CDH13: variants seen among roughly 807,000 people sequenced by gnomAD.
CDH13 encodes cadherin-13.
A neutral mutation model predicts 63.8 loss-of-function variants in CDH13; 24 were observed. The ratio of observed to expected loss-of-function variants is 0.38; its 90% CI spans 0.27 to 0.53. The LOEUF is 0.53. Ranked by LOEUF, CDH13 falls within the 20% of genes least tolerant of loss-of-function variation. The pLI is 0.85. For missense variants in CDH13, 1,049 were observed against 903.1 expected (o/e 1.16, Z -2.07); for synonymous variants, 503 against 355.3 (o/e 1.42, Z -4.67).
intron 1 of CDH13, among the ~76,000 whole-genome samples, chr16:82,712,018 T>C (rs1220704270): frequency 2.0e-5 from 3 of 152,174 alleles, no homozygotes; most frequent in Non-Finnish European, 4.4e-5. Flanking sequence ...ACCATTCTGC[T>C]CTCTCGCCTT....
intron 5 of CDH13, among the ~76,000 whole-genome samples, chr16:83,267,521 A>C (rs928492658): frequency 7.9e-5 from 12 of 152,308 alleles, no homozygotes; most frequent in Admixed American, 6.5e-4. Context: ...ATTAAGAGGT[A>C]AGACCTCTAA....
chr16:82,707,540 A>C (rs910456045), intron 1 of CDH13, among the ~76,000 whole-genome samples: 1 of 152,226 alleles, frequency 6.6e-6, no homozygotes, highest in Admixed American at 6.5e-5. Context: ...AAATGGAAAG[A>C]AGTCTTCCTA....
chr16:82,665,543 T>C (rs1369279529), intron 1 of CDH13, among the ~76,000 whole-genome samples: 2 of 152,166 alleles, frequency 1.3e-5, no homozygotes, highest in African/African-American at 2.4e-5. Context: ...AGAGAATCAA[T>C]TGTATGCAGA....
intron 1 of CDH13, among the ~76,000 whole-genome samples, chr16:82,819,955 G>T (rs1431595121): frequency 6.6e-6 from 1 of 152,106 alleles, no homozygotes; most frequent in African/African-American, 2.4e-5. Context: ...TGGAGCAACT[G>T]GCTACTGTTA....
intron 4 of CDH13, among the ~76,000 whole-genome samples, chr16:83,182,869 C>T (rs8059438): frequency 0.17 from 25,297 of 152,102 alleles, 2,869 homozygotes; most frequent in African/African-American, 0.33. Context: ...TTATCACATA[C>T]TTAAAGGCAT....
At chr16:83,417,776 GA>G (rs779838548) in intron 6 of CDH13, among the ~76,000 whole-genome samples, 6 of 152,152 alleles carry the variant, frequency 3.9e-5, no homozygotes, top group Non-Finnish European at 8.8e-5. Flanking sequence ...TAAGCAATCA[GA>G]ATTCTCTTTT....
At chr16:83,425,191 A>G (rs192153240) in intron 6 of CDH13, among the ~76,000 whole-genome samples, 6 of 152,314 alleles carry the variant, frequency 3.9e-5, no homozygotes, top group Admixed American at 2.6e-4. Flanking sequence ...AACAGCTGGA[A>G]CGTAAATTGG....
chr16:83,266,623 G>A (rs1042240893), intron 5 of CDH13, among the ~76,000 whole-genome samples: 3 of 152,140 alleles, frequency 2.0e-5, no homozygotes, highest in Non-Finnish European at 4.4e-5. Context: ...AAATGGAAAA[G>A]GTAGACTGTG....
At chr16:83,273,904 C>G (rs183105449) in intron 5 of CDH13, among the ~76,000 whole-genome samples, 1 of 152,148 alleles carries the variant, frequency 6.6e-6, no homozygotes, top group Non-Finnish European at 1.5e-5. Context: ...TGGTTTCTAG[C>G]CTCACATGCA....
intron 2 of CDH13, among the ~76,000 whole-genome samples, chr16:82,964,189 C>G (rs1907471534): frequency 6.6e-6 from 1 of 152,178 alleles, no homozygotes; most frequent in Non-Finnish European, 1.5e-5. Context: ...AAAACAATCT[C>G]AATGGTGGAG....
At chr16:82,853,062 G>C (rs1232659518) in intron 1 of CDH13, among the ~76,000 whole-genome samples, 1 of 152,196 alleles carries the variant, frequency 6.6e-6, no homozygotes. Flanking sequence ...TAAAGAGTGT[G>C]ATTTAAGAAT....
At chr16:83,507,147 G>T (rs62042275) in intron 7 of CDH13, among the ~76,000 whole-genome samples, 2 of 152,096 alleles carry the variant, frequency 1.3e-5, no homozygotes, top group Non-Finnish European at 2.9e-5. Flanking sequence ...GACTTTTTCT[G>T]GTCTTCTTTG....
intron 3 of CDH13, among the ~76,000 whole-genome samples, chr16:83,118,587 C>T (rs1449773815): frequency 1.3e-5 from 2 of 152,168 alleles, no homozygotes; most frequent in Admixed American, 6.5e-5. Flanking sequence ...GAGTGGCTCA[C>T]CCTCATTTTC....
chr16:83,074,215 C>T (rs973466988), intron 3 of CDH13, among the ~76,000 whole-genome samples: 1 of 152,156 alleles, frequency 6.6e-6, no homozygotes, highest in Non-Finnish European at 1.5e-5. Flanking sequence ...TATTTTAGGT[C>T]CCATCTGTGA....
chr16:83,010,009 C>T (rs1160430994), intron 2 of CDH13, among the ~76,000 whole-genome samples: 1 of 152,020 alleles, frequency 6.6e-6, no homozygotes, highest in African/African-American at 2.4e-5. Context: ...GCGGCACACG[C>T]CTGTAATCCC....
chr16:83,618,425 A>C (rs1215540796), intron 8 of CDH13, among the ~76,000 whole-genome samples: 13 of 151,958 alleles, frequency 8.6e-5, no homozygotes, highest in African/African-American at 2.9e-4. Context: ...ACTCCAAAAA[A>C]AAAAAAAAAG....
chr16:82,762,602 G>T (rs1396556714), intron 1 of CDH13, among the ~76,000 whole-genome samples: 1 of 152,112 alleles, frequency 6.6e-6, no homozygotes, highest in African/African-American at 2.4e-5. Context: ...TGGTGTTCTT[G>T]GTGATGGTCA....
chr16:82,709,690 G>T (rs891198898), intron 1 of CDH13, among the ~76,000 whole-genome samples: 1 of 152,200 alleles, frequency 6.6e-6, no homozygotes, highest in Admixed American at 6.5e-5. Context: ...AGCGTTGTTG[G>T]AGGAGCTTAG....
At chr16:83,255,219 A>G (rs1442122040) in intron 5 of CDH13, among the ~76,000 whole-genome samples, 1 of 152,162 alleles carries the variant, frequency 6.6e-6, no homozygotes, top group African/African-American at 2.4e-5. Flanking sequence ...GGCACATTAT[A>G]ACTTCTCCAG....
Sources: allele counts gnomAD v4.1 joint callset (sites outside exome capture counted in the v4.1 genomes callset), GRCh38; gene constraint gnomAD v4.1.1; transcripts MANE v1.5; gene names NCBI Gene and HGNC (gene_info 2026-07-23, HGNC 2026-07-21).